DPYD: variants seen among roughly 807,000 people sequenced by gnomAD.
DPYD encodes the protein dihydropyrimidine dehydrogenase [NADP(+)].
In DPYD, 109 loss-of-function variants were observed where a neutral mutation model predicts 116.2. The observed-to-expected ratio is 0.94, with a 90% CI of 0.80 to 1.10. The LOEUF is 1.10. Among genes scored for constraint, DPYD ranks in the 50% least tolerant of loss-of-function variants. The pLI, the probability that DPYD is intolerant of heterozygous loss-of-function variation, is 0.00. For synonymous variants in DPYD, 440 were observed against 432.0 expected, an observed-to-expected ratio of 1.02 and a Z score of -0.23; for missense variants, 1,302 against 1,254.5, an observed-to-expected ratio of 1.04 and a Z score of -0.57.
chr1:97,493,516 C>T (rs1309410087), intron 13 of DPYD, among the ~76,000 whole-genome samples: 2 of 152,152 alleles, frequency 1.3e-5, no homozygotes, highest in African/African-American at 2.4e-5. Flanking sequence ...CTACCTAATA[C>T]AGGATCTTGC....
At chr1:97,638,792 G>A (rs1335931899) in intron 8 of DPYD, among the ~76,000 whole-genome samples, 1 of 151,978 alleles carries the variant, frequency 6.6e-6, no homozygotes, top group East Asian at 1.9e-4. Context: ...TAAAAACCAG[G>A]TCTCATGTGA....
In DPYD at chr1:97,340,916, T is replaced by C. The variant is rs556556482; in HGVS notation, c.2058+32645A>G. Among the ~76,000 whole-genome samples the C allele has an allele frequency of 4.6e-5, 7 of 152,284 alleles. No individual in the cohort carries two copies. The South Asian group carries it at 1.2e-3, about 27-fold the overall frequency. On this transcript the variant is annotated intron_variant, in intron 16 of 22. Transcript: ENST00000370192. ...TTGGCCACAAGAATACCTTGGCAAT[T>C]TCCCCCAAAATAGCTGTTTTATACA...
intron 20 of DPYD, among the ~76,000 whole-genome samples, chr1:97,151,869 C>G (rs780250128): frequency 6.6e-6 from 1 of 152,114 alleles, no homozygotes; most frequent in Non-Finnish European, 1.5e-5. Flanking sequence ...TGGTCATACT[C>G]TACTATTCCA....
intron 21 of DPYD, among the ~76,000 whole-genome samples, chr1:97,096,621 T>C (rs887362593): frequency 6.6e-6 from 1 of 152,064 alleles, no homozygotes. Context: ...TGTAAAAACA[T>C]ACCAATCAGC....
At chr1:97,676,138 T>C (rs1660132307) in intron 8 of DPYD, among the ~76,000 whole-genome samples, 7 of 152,096 alleles carry the variant, frequency 4.6e-5, no homozygotes. Flanking sequence ...ACTTTACTGA[T>C]CTCCTGTGTC....
At chr1:97,886,480 T>C (rs912142022) in intron 1 of DPYD, among the ~76,000 whole-genome samples, 9 of 152,162 alleles carry the variant, frequency 5.9e-5, no homozygotes, top group African/African-American at 1.9e-4. Flanking sequence ...TTGCCTCACC[T>C]CACTTACTGG....
At chr1:97,670,959 A>G (rs1659830660) in intron 8 of DPYD, among the ~76,000 whole-genome samples, 1 of 152,158 alleles carries the variant, frequency 6.6e-6, no homozygotes, top group Non-Finnish European at 1.5e-5. Context: ...ATATAGAAAA[A>G]TATAATAAAA....
intron 11 of DPYD, among the ~76,000 whole-genome samples, chr1:97,556,062 A>C (rs867296377): frequency 4.6e-5 from 7 of 152,184 alleles, no homozygotes; most frequent in Non-Finnish European, 1.0e-4. Context: ...CAGAGCCTGA[A>C]ATAGGGTGAG....
chr1:97,639,119 G>T (rs1340375765), intron 8 of DPYD, among the ~76,000 whole-genome samples: 2 of 152,096 alleles, frequency 1.3e-5, no homozygotes, highest in Middle Eastern at 3.2e-3. Flanking sequence ...TACAGACACT[G>T]GGTTGCATTC....
chr1:97,103,942 A>G (rs1345690176), intron 20 of DPYD, among the ~76,000 whole-genome samples: 3 of 152,118 alleles, frequency 2.0e-5, no homozygotes, highest in African/African-American at 7.2e-5. Context: ...CCCCTCTGCC[A>G]GAATACCCCA....
At chr1:97,339,422 A>G (rs1669476958) in intron 16 of DPYD, among the ~76,000 whole-genome samples, 1 of 152,178 alleles carries the variant, frequency 6.6e-6, no homozygotes, top group African/African-American at 2.4e-5. Flanking sequence ...TCTTTCTTCT[A>G]CTCAGAACAA....
At chr1:97,190,320 G>C (rs1372037064) in intron 20 of DPYD, among the ~76,000 whole-genome samples, 1 of 152,062 alleles carries the variant, frequency 6.6e-6, no homozygotes, top group African/African-American at 2.4e-5. Flanking sequence ...ATCTCTCACT[G>C]TTCTATTGCT....
intron 16 of DPYD, among the ~76,000 whole-genome samples, chr1:97,321,036 GA>G (rs1401775025): frequency 9.8e-6 from 1 of 101,712 alleles, no homozygotes; most frequent in African/African-American, 3.8e-5. Context: ...GCCATATGTA[GA>G]AAGCTGAAAC....
At chr1:97,793,776 T>C (rs1235681600) in intron 3 of DPYD, among the ~76,000 whole-genome samples, 1 of 152,112 alleles carries the variant, frequency 6.6e-6, no homozygotes, top group African/African-American at 2.4e-5. Flanking sequence ...GAGGAAAACA[T>C]GGCAGAAAAT....
intron 13 of DPYD, among the ~76,000 whole-genome samples, chr1:97,465,201 A>G (rs1677248408): frequency 1.3e-5 from 2 of 152,198 alleles, no homozygotes; most frequent in South Asian, 4.1e-4. Flanking sequence ...GGCTGTATTT[A>G]CCCAGTGTCT....
chr1:97,318,686 A>C (rs1367409394), intron 16 of DPYD, among the ~76,000 whole-genome samples: 1 of 151,004 alleles, frequency 6.6e-6, no homozygotes, highest in African/African-American at 2.4e-5. Context: ...ACAGAAAGTC[A>C]ACAAGGATAC....
chr1:97,080,446 T>C (rs1343335188), intron 22 of DPYD, among the ~76,000 whole-genome samples: 1 of 152,098 alleles, frequency 6.6e-6, no homozygotes, highest in Admixed American at 6.6e-5. Context: ...TTTATGCACA[T>C]ATAAATGAAA....
chr1:97,714,501 G>A (rs887939582), intron 5 of DPYD, among the ~76,000 whole-genome samples: 2 of 151,852 alleles, frequency 1.3e-5, no homozygotes, highest in African/African-American at 4.8e-5. Flanking sequence ...GACCCACCAC[G>A]CCTGGCCCAT....
chr1:97,332,670 A>T (rs913075609), intron 16 of DPYD, among the ~76,000 whole-genome samples: 1 of 152,194 alleles, frequency 6.6e-6, no homozygotes. Context: ...CTGACATAGT[A>T]TGAATAGTAA....
Sources: gnomAD v4.1 joint callset for allele counts (sites outside exome capture counted in the v4.1 genomes callset) on GRCh38, gnomAD v4.1.1 for gene constraint, MANE v1.5 for transcripts, NCBI Gene and HGNC (gene_info 2026-07-23, HGNC 2026-07-21) for gene names.